The following SPTBN1 variants were observed in gnomAD, a reference collection of about 807,000 sequenced individuals.
SPTBN1 encodes the protein spectrin beta chain, non-erythrocytic 1.
Under a neutral mutation model 266.4 loss-of-function variants are expected in SPTBN1, and 32 were observed. The observed-to-expected ratio is 0.12, with a 90% CI of 0.09 to 0.16. The LOEUF (loss-of-function observed/expected upper bound fraction) is 0.16, where lower values mean the gene tolerates loss of function less well. SPTBN1 is among the 10% of genes least tolerant of loss of function. The pLI is 1.00. For synonymous variants in SPTBN1, 1,336 were observed against 1,162.2 expected, an observed-to-expected ratio of 1.15 and a Z score of -3.04; for missense variants, 2,296 against 3,067.1, an observed-to-expected ratio of 0.75 and a Z score of 5.94.
chr2:54,566,185 C>CTTTT (rs59369956), intron 2 of SPTBN1, among the ~76,000 whole-genome samples: 46 of 125,210 alleles, frequency 3.7e-4, no homozygotes, highest in Non-Finnish European at 4.4e-4. Context: ...TTTCTTTTTT[C>CTTTT]TTTTTTTTTT....
At chr2:54,548,986 G>C (rs549778108) in intron 2 of SPTBN1, among the ~76,000 whole-genome samples, 1 of 152,242 alleles carries the variant, frequency 6.6e-6, no homozygotes, top group South Asian at 2.1e-4. Context: ...TGGGCTGGGG[G>C]TATAGGGTGA....
chr2:54,596,523 C>A (rs570188848), intron 2 of SPTBN1, among the ~76,000 whole-genome samples: 5 of 151,954 alleles, frequency 3.3e-5, no homozygotes, highest in Admixed American at 6.6e-5. Context: ...ATGGAATCTT[C>A]TGTGTCTTTT....
intron 1 of SPTBN1, among the ~76,000 whole-genome samples, chr2:54,467,393 T>TTTG (rs1224946929): frequency 2.0e-5 from 3 of 152,186 alleles, no homozygotes; most frequent in South Asian, 2.1e-4. Flanking sequence ...ATAGGAGTAC[T>TTTG]TTGTTGTTGC....
At chr2:54,493,653 T>G (rs1293694726) in intron 1 of SPTBN1, among the ~76,000 whole-genome samples, 5 of 151,724 alleles carry the variant, frequency 3.3e-5, no homozygotes, top group Non-Finnish European at 7.4e-5. Flanking sequence ...CCACCTGCCT[T>G]GGCCTCCCAA....
At chr2:54,511,332 C>T (rs1456889417) in intron 1 of SPTBN1, among the ~76,000 whole-genome samples, 1 of 152,084 alleles carries the variant, frequency 6.6e-6, no homozygotes, top group Non-Finnish European at 1.5e-5. Flanking sequence ...CTAATGGATT[C>T]CAGACTGTGT....
intron 1 of SPTBN1, among the ~76,000 whole-genome samples, chr2:54,524,327 T>C (rs964531668): frequency 1.3e-5 from 2 of 152,236 alleles, no homozygotes; most frequent in African/African-American, 4.8e-5. Context: ...TAGCTTCATA[T>C]GCCTGACTGA....
At chr2:54,619,808 T>C (rs968673462) in intron 7 of SPTBN1, among the ~76,000 whole-genome samples, 3 of 152,152 alleles carry the variant, frequency 2.0e-5, no homozygotes. Context: ...TAGCTGTGAT[T>C]CTGGCCCTCA....
Position 54,629,660 on chromosome 2 carries a change from G to A in SPTBN1, c.2526G>A (p.Lys842=). 1 of 1,613,890 alleles carries A rather than the reference G, an allele frequency of 6.2e-7. No homozygotes were observed. Among genetic ancestry groups the A allele is most frequent in the Non-Finnish European group, 8.5e-7 (1 of 1,179,960 alleles). The change falls in exon 14 of 36, where the codon AAG becomes AAA. Residue 842 remains lysine, a synonymous_variant. Transcript: ENST00000356805. ...TGGCAGAGCTGACGCGGCTGCGGAA[G>A]CAGGCACTCCAGGACACTCTGGCCC... ...KEVAELTRLR[K]QALQDTLALY...
intron 18 of SPTBN1, among the ~76,000 whole-genome samples, chr2:54,642,299 C>G (rs1169961151): frequency 6.6e-6 from 1 of 152,132 alleles, no homozygotes; most frequent in Non-Finnish European, 1.5e-5. Context: ...AGTTCAGATC[C>G]AAGCAGACAT....
At chr2:54,575,728 G>T (rs569038789) in intron 2 of SPTBN1, among the ~76,000 whole-genome samples, 26 of 152,348 alleles carry the variant, frequency 1.7e-4, no homozygotes, top group South Asian at 4.1e-4. Flanking sequence ...ATGCAATTAA[G>T]CAGTGACTCA....
Position 54,612,275 on chromosome 2 carries a change from G to A in SPTBN1, c.415G>A (p.Val139Met), listed in dbSNP as rs878964693. 1.2e-6 allele frequency: 2 copies of A among 1,614,068 alleles called. No individual in the cohort carries two copies. The highest frequency in any genetic ancestry group is 1.7e-6 in the Non-Finnish European group (2 of 1,179,962). The change falls in exon 4 of 36, where the codon GTG (valine) becomes ATG (methionine). Residue 139 changes from valine to methionine, a missense_variant. Val to Met is a conservative substitution (Grantham distance 21, BLOSUM62 1). Coordinates refer to ENST00000356805, the MANE Select transcript of SPTBN1 (RefSeq NM_003128.3). ...HLENMGSHDIVDGNHRLTLGL... is the reference protein window; with the variant it reads ...HLENMGSHDIMDGNHRLTLGL... ...TGAGAACATGGGGTCCCATGACATC[G>A]TGGATGGAAACCACCGGCTGACCCT...
chr2:54,649,915 G>A lies in SPTBN1; in HGVS notation c.5503G>A (p.Asp1835Asn), dbSNP rs769933603. Residue 1835 changes from aspartate (D) to asparagine (N), a missense_variant, in exon 26 of 36, where the codon GAT (aspartate) becomes AAT (asparagine). Transcript: ENST00000356805. This position sits in a 1 kb window ranked among gnomAD's most constrained non-coding sequence, Gnocchi z 6.7. ...GAAACTCCCTGAGGAGCTTGGGAGAGATCAGAACACAGTGGAGACCTTACA... is the reference window on the plus strand; with the variant it reads ...GAAACTCCCTGAGGAGCTTGGGAGAAATCAGAACACAGTGGAGACCTTACA... The part of the protein sequence containing the change: ...HKKLPEELGR[D>N]QNTVETLQRM... 1.2e-6 allele frequency: 2 copies of A among 1,614,218 alleles called. No individual in the cohort carries two copies. Among genetic ancestry groups the A allele is most frequent in the Admixed American group, 1.7e-5 (1 of 60,026 alleles).
chr2:54,510,323 A>C (rs1339210814), intron 1 of SPTBN1, among the ~76,000 whole-genome samples: 2 of 152,066 alleles, frequency 1.3e-5, no homozygotes, highest in African/African-American at 4.8e-5. Context: ...CTTAACCTAG[A>C]TTACCTCCCT....
chr2:54,553,896 C>G (rs1263789658), intron 2 of SPTBN1, among the ~76,000 whole-genome samples: 1 of 152,160 alleles, frequency 6.6e-6, no homozygotes, highest in Non-Finnish European at 1.5e-5. Context: ...TGTGTAAAGC[C>G]TCTTAGAACA....
rs148760113 is a variant in SPTBN1, at chr2:54,499,600, A to G, written c.-47-26772A>G. Among the ~76,000 whole-genome samples, 410 of 152,370 alleles carry G rather than the reference A, an allele frequency of 2.7e-3. 1 individual carries two copies. Among genetic ancestry groups the G allele is most frequent in the Non-Finnish European group, 3.4e-3 (232 of 68,032 alleles). Reference sequence around the variant, plus strand: ...GTCAGCACAGCCCAGCCACTGACATAAGAAAAACCGTTTCACAGTTAAGTC... The same window carrying G: ...GTCAGCACAGCCCAGCCACTGACATGAGAAAAACCGTTTCACAGTTAAGTC... On this transcript the variant is annotated intron_variant, in intron 1 of 35. Coordinates refer to ENST00000356805, the MANE Select transcript of SPTBN1 (RefSeq NM_003128.3).
chr2:54,644,689 TG>T, intron 20 of SPTBN1, 103 bp downstream of exon 20: 1 of 1,452,966 alleles, frequency 6.9e-7, no homozygotes, highest in Non-Finnish European at 9.2e-7. Flanking sequence ...CCACCTTCCA[TG>T]GGAAGGCATT....
intron 1 of SPTBN1, among the ~76,000 whole-genome samples, chr2:54,510,593 G>T (rs983866174): frequency 6.6e-6 from 1 of 152,166 alleles, no homozygotes; most frequent in African/African-American, 2.4e-5. Flanking sequence ...CAACTGCTTT[G>T]AAAGCATTTT....
chr2:54,626,069 C>T lies in SPTBN1; in HGVS notation c.1479C>T (p.Tyr493=), dbSNP rs776293503. 2 of 1,614,172 alleles carry T rather than the reference C, an allele frequency of 1.2e-6. No homozygotes were observed. Among genetic ancestry groups the T allele is most frequent in the Non-Finnish European group, 1.7e-6 (2 of 1,180,044 alleles). ...AVARELEAEN[Y]HDIKRITARK... is the part of the protein sequence containing the mutation. Reference sequence around the variant, plus strand: ...CCAGGGAGCTCGAGGCCGAGAATTACCACGACATCAAGCGCATCACAGCGA... The same window carrying T: ...CCAGGGAGCTCGAGGCCGAGAATTATCACGACATCAAGCGCATCACAGCGA... Residue 493 remains tyrosine, a synonymous_variant, in exon 12 of 36, where the codon TAC becomes TAT. Transcript: ENST00000356805. This position sits in a 1 kb window ranked among gnomAD's most constrained non-coding sequence, Gnocchi z 4.7.
rs191563467 is a variant in SPTBN1, at chr2:54,476,306, A to G, written c.-48+19788A>G. On this transcript the variant is annotated intron_variant, in intron 1 of 35. Coordinates refer to ENST00000356805, the MANE Select transcript of SPTBN1 (RefSeq NM_003128.3). ...GTAAGAGTAATCCTCCCATGTAGCC[A>G]CAAAAAGAAGAGACTGGGTATGTGT... is the stretch of plus-strand genomic sequence containing the variant. Among the ~76,000 whole-genome samples, 57 of 152,350 alleles carry G rather than the reference A, an allele frequency of 3.7e-4. No individual in the cohort carries two copies. In the East Asian group the frequency reaches 8.1e-3, roughly 22 times the overall value.
Sources: gnomAD v4.1 joint callset for allele counts (sites outside exome capture counted in the v4.1 genomes callset) on GRCh38, gnomAD v4.1.1 for gene constraint, Gnocchi (gnomAD v3.1) non-coding constraint, MANE v1.5 for transcripts, NCBI Gene and HGNC (gene_info 2026-07-23, HGNC 2026-07-21) for gene names.